Variants in UBR1 observed in about 807,000 individuals in gnomAD.
The protein encoded by UBR1 is E3 ubiquitin-protein ligase UBR1.
UBR1 carries 102 observed loss-of-function variants against 242.1 expected under a neutral mutation model. The ratio of observed to expected loss-of-function variants is 0.42; its 90% CI spans 0.36 to 0.50. The LOEUF (loss-of-function observed/expected upper bound fraction) is 0.50, where lower values mean the gene tolerates loss of function less well. Among genes scored for constraint, UBR1 ranks in the 20% least tolerant of loss-of-function variants. UBR1 has a pLI of 0.01. For synonymous variants in UBR1, 675 were observed against 684.8 expected (o/e 0.99, Z 0.22); for missense variants, 1,772 against 2,101.8 (o/e 0.84, Z 3.07).
rs1179239127 is a variant in UBR1, at chr15:42,966,232, G to A, written c.4512C>T (p.Gly1504=). ...GWYLWVSLKN[G]ITPYLRCAAL... The stretch of plus-strand genomic sequence containing the variant: ...CAGCACAGCGAAGATAAGGGGTGAT[G>A]CCATTCTTCAGTGAGACCCACAAAT... Residue 1504 remains glycine, a synonymous_variant, in exon 41 of 47, where the codon GGC becomes GGT. Transcript: ENST00000290650. 3 of 1,614,028 alleles carry A rather than the reference G, an allele frequency of 1.9e-6. No homozygotes were observed. The highest frequency in any genetic ancestry group is 2.5e-6 in the Non-Finnish European group (3 of 1,180,046).
chr15:43,043,470 C>G (rs920801781), intron 14 of UBR1, 75 bp from the exon 15 acceptor site: 42 of 1,425,986 alleles, frequency 2.9e-5, no homozygotes, highest in African/African-American at 4.2e-5. Context: ...TTTGAGACAG[C>G]CTGTCCTGTG....
In UBR1 at chr15:43,056,443, C is replaced by T; in HGVS notation, c.1183-1G>A. On this transcript the variant is annotated splice_acceptor_variant, in intron 10 of 46. Transcript: ENST00000290650. LOFTEE classifies it high-confidence loss of function. ...ATTCTTTCTGCAGTTGTTTATAATA[C>T]TGAAATATATAAGTAGAGAATCAAT... 2 of 1,581,576 alleles carry T rather than the reference C, an allele frequency of 1.3e-6. No individual in the cohort carries two copies. The highest frequency in any genetic ancestry group is 1.7e-6 in the Non-Finnish European group (2 of 1,150,784).
rs2034033717 is a variant in UBR1, at chr15:43,086,201, G to A, written c.121C>T (p.His41Tyr). The stretch of plus-strand genomic sequence containing the variant: ...TCTGGCACCAATTGTGCCAAATGAT[G>A]CAAGAAAGCAGTATAAAAATCAACT... Reference protein sequence around the residue: ...QQVDFYTAFLHHLAQLVPEIY... With the variant: ...QQVDFYTAFLYHLAQLVPEIY... The change falls in exon 2 of 47, where the codon CAT becomes TAT. Residue 41 changes from histidine (H) to tyrosine (Y), a missense_variant. Transcript: ENST00000290650. 1 of 1,613,796 alleles carries A rather than the reference G, an allele frequency of 6.2e-7. No homozygotes were observed. Among genetic ancestry groups the A allele is most frequent in the African/African-American group, 1.3e-5 (1 of 74,888 alleles).
At chr15:43,020,575 T>C (rs2033097070) in intron 27 of UBR1, among the ~76,000 whole-genome samples, 1 of 152,234 alleles carries the variant, frequency 6.6e-6, no homozygotes, top group Non-Finnish European at 1.5e-5. Flanking sequence ...CAATACCATC[T>C]TGTACAAATA....
At chr15:42,956,237 T>G (rs1222547802) in intron 44 of UBR1, among the ~76,000 whole-genome samples, 3 of 151,918 alleles carry the variant, frequency 2.0e-5, no homozygotes, top group African/African-American at 7.3e-5. Flanking sequence ...GATTAAGGAG[T>G]GATATCATAG....
Position 42,963,967 on chromosome 15 carries a change from T to C in UBR1, c.4668A>G (p.Glu1556=). The change falls in exon 42 of 47, where the codon GAA becomes GAG. Residue 1556 remains glutamate (E), a synonymous_variant. Coordinates refer to ENST00000290650, the MANE Select transcript of UBR1 (RefSeq NM_174916.3). ...LPTNLFLLFQ[E]YWDTVRPLLQ... ...GCAAGGGCCTTACAGTATCCCAATA[T>C]TCCTGGAAGAGCAGGAACAAATTTG... 1 of 1,613,396 alleles carries C rather than the reference T, an allele frequency of 6.2e-7. No individual in the cohort carries two copies. The highest frequency in any genetic ancestry group is 8.5e-7 in the Non-Finnish European group (1 of 1,179,480).
chr15:42,984,696 T>C (rs1433716602), intron 36 of UBR1, among the ~76,000 whole-genome samples, 191 bp downstream of exon 36: 2 of 152,200 alleles, frequency 1.3e-5, no homozygotes, highest in African/African-American at 2.4e-5. Context: ...ACCTCTGAGA[T>C]TGAGTAAGCG....
chr15:42,982,585 C>T (rs894703914), intron 37 of UBR1, among the ~76,000 whole-genome samples: 2 of 152,194 alleles, frequency 1.3e-5, no homozygotes, highest in African/African-American at 4.8e-5. Flanking sequence ...TGGATGGTAG[C>T]TTTGGAAGGA....
intron 4 of UBR1, among the ~76,000 whole-genome samples, chr15:43,073,758 TGAACCTTTTCAAGCTGGGTCCTA>T (rs1355264898): frequency 6.6e-6 from 1 of 152,214 alleles, no homozygotes; most frequent in African/African-American, 2.4e-5. Context: ...AAGGTCAATG[TGAACCTTTTCAAGCTGGGTCCTA>T]CGTTCTTTTG....
chr15:43,084,538 C>A (rs758100663), intron 2 of UBR1, among the ~76,000 whole-genome samples: 4 of 152,186 alleles, frequency 2.6e-5, no homozygotes, highest in Non-Finnish European at 4.4e-5. Context: ...CTCACCACAA[C>A]CTCTGTCTCC....
Position 42,952,258 on chromosome 15 carries a change from C to G in UBR1, c.5006+20G>C. The G allele has an allele frequency of 6.2e-7, 1 of 1,614,136 alleles. No individual in the cohort carries two copies. Among genetic ancestry groups the G allele is most frequent in the Non-Finnish European group, 8.5e-7 (1 of 1,180,030 alleles). On this transcript the variant is annotated intron_variant, in intron 45 of 46. Coordinates refer to ENST00000290650, the MANE Select transcript of UBR1 (RefSeq NM_174916.3). ...ATTCCTTAAGTTCATCATGAAGCTT[C>G]CAGAACACTCACTACTCACTTTAGG...
intron 19 of UBR1, 115 bp from the exon 20 acceptor site, chr15:43,032,746 G>T: frequency 1.6e-6 from 1 of 640,418 alleles, no homozygotes; most frequent in Non-Finnish European, 2.7e-6. Context: ...ATCCAGTCCA[G>T]TATTTTTTTT....
At position 42,964,450 on chromosome 15, in the gene UBR1, C is replaced by A. The variant is rs867273188; in HGVS notation, c.4592-407G>T. 9.2e-5 allele frequency among the ~76,000 whole-genome samples: 14 copies of A among 151,890 alleles called. 1 individual carries two copies. In the Middle Eastern group the frequency reaches 0.017, roughly 186 times the overall value. On this transcript the variant is annotated intron_variant, in intron 41 of 46. Coordinates refer to ENST00000290650, the MANE Select transcript of UBR1 (RefSeq NM_174916.3). ...CGCTATTGCACTCCAGCCTGGGCAA[C>A]AAGAGCGAAACTCCGTCTCAAAAAA...
At chr15:43,091,484 A>T (rs776087656) in intron 1 of UBR1, among the ~76,000 whole-genome samples, 20 of 152,244 alleles carry the variant, frequency 1.3e-4, no homozygotes, top group Non-Finnish European at 1.8e-4. Flanking sequence ...ACAAAACAAT[A>T]AAGTTTTGCC....
At chr15:42,972,168 T>C (rs540851396) in intron 39 of UBR1, among the ~76,000 whole-genome samples, 1 of 152,306 alleles carries the variant, frequency 6.6e-6, no homozygotes, top group South Asian at 2.1e-4. Flanking sequence ...CTCTATGCTG[T>C]GCCTATTCAG....
chr15:42,951,871 C>T (rs2031839989), intron 45 of UBR1, among the ~76,000 whole-genome samples: 1 of 152,170 alleles, frequency 6.6e-6, no homozygotes, highest in Non-Finnish European at 1.5e-5. Flanking sequence ...CTCAGCCTCC[C>T]AAAGTGCTGG....
intron 15 of UBR1, among the ~76,000 whole-genome samples, chr15:43,038,765 G>T (rs1215625947): frequency 1.3e-5 from 2 of 152,024 alleles, no homozygotes; most frequent in African/African-American, 4.8e-5. Flanking sequence ...ATGACAAACT[G>T]TCTCTCAAGA....
intron 1 of UBR1, among the ~76,000 whole-genome samples, chr15:43,104,639 C>CGT (rs2034275329): frequency 1.3e-5 from 2 of 151,674 alleles, no homozygotes; most frequent in South Asian, 4.2e-4. Flanking sequence ...TGACTCATGC[C>CGT]GTAGCTCCCT....
chr15:43,045,171 G>A (rs2033468647), intron 14 of UBR1, among the ~76,000 whole-genome samples: 1 of 152,160 alleles, frequency 6.6e-6, no homozygotes, highest in Non-Finnish European at 1.5e-5. Flanking sequence ...AATATTTTGA[G>A]TTTGAGGCCA....
Sources: allele counts gnomAD v4.1 joint callset (sites outside exome capture counted in the v4.1 genomes callset), GRCh38; gene constraint gnomAD v4.1.1; transcripts MANE v1.5; gene names NCBI Gene and HGNC (gene_info 2026-07-23, HGNC 2026-07-21).